The following CEP162 variants were observed in gnomAD, a reference collection of about 807,000 sequenced individuals.
CEP162 encodes centrosomal protein of 162 kDa.
In CEP162, 141 loss-of-function variants were observed where a neutral mutation model predicts 169.2. That is an observed-to-expected ratio of 0.83 (90% confidence interval 0.73 to 0.96). The LOEUF (loss-of-function observed/expected upper bound fraction) is 0.96, where lower values mean the gene tolerates loss of function less well. CEP162 is among the 40% of genes least tolerant of loss of function. CEP162 has a pLI of 0.00. For missense variants in CEP162, 1,600 were observed against 1,587.2 expected, an observed-to-expected ratio of 1.01 and a Z score of -0.14; for synonymous variants, 540 against 526.4, an observed-to-expected ratio of 1.03 and a Z score of -0.35.
At chr6:84,144,174 T>C (rs2099517860) in intron 25 of CEP162, among the ~76,000 whole-genome samples, 1 of 152,058 alleles carries the variant, frequency 6.6e-6, no homozygotes, top group Non-Finnish European at 1.5e-5. Flanking sequence ...CTTTCTCCTT[T>C]TACAAATAGA....
Position 84,205,485 on chromosome 6 carries a change from T to A in CEP162, c.572-1389A>T, listed in dbSNP as rs537576176. Among the ~76,000 whole-genome samples the A allele has an allele frequency of 3.8e-4, 58 of 152,314 alleles. 1 individual carries two copies. In the South Asian group the frequency reaches 0.011, roughly 29 times the overall value. On this transcript the variant is annotated intron_variant, in intron 6 of 26. Coordinates refer to ENST00000403245, the MANE Select transcript of CEP162 (RefSeq NM_014895.4). ...AACAAAAACCACATGATTATCTCAA[T>A]AGATTCAGAAAAGGCCTTTGACAAA...
intron 6 of CEP162, among the ~76,000 whole-genome samples, chr6:84,206,729 T>G (rs2099547279): frequency 6.6e-6 from 1 of 152,178 alleles, no homozygotes; most frequent in South Asian, 2.1e-4. Context: ...TGGGATCTAA[T>G]TAAACCAAAG....
chr6:84,170,270 A>G (rs2099529502), intron 17 of CEP162, among the ~76,000 whole-genome samples: 1 of 145,230 alleles, frequency 6.9e-6, no homozygotes, highest in South Asian at 2.3e-4. Context: ...GATACTCGGG[A>G]GGCTGAGGCA....
rs914293163 is a variant in CEP162 at position 84,168,854 on chromosome 6, A to G, written c.2385+474T>C. Among the ~76,000 whole-genome samples, 3 of 152,222 alleles carry G rather than the reference A, an allele frequency of 2.0e-5. No homozygotes were observed. The East Asian group carries it at 5.8e-4, about 29-fold the overall frequency. ...ACTTTATGTTAGGTATGTGGAATAT[A>G]AATACTTGTAAGATACAGTCTCTGC... On this transcript the variant is annotated intron_variant, in intron 18 of 26. Coordinates refer to ENST00000403245, the MANE Select transcript of CEP162 (RefSeq NM_014895.4).
chr6:84,155,234 C>A, intron 22 of CEP162, 64 bp downstream of exon 22: 1 of 1,242,026 alleles, frequency 8.1e-7, no homozygotes, highest in Non-Finnish European at 1.2e-6. Context: ...AAGTGAGATC[C>A]TAAGAAGTGC....
chr6:84,149,886 C>T (rs2099520461), intron 23 of CEP162, among the ~76,000 whole-genome samples, 183 bp from the exon 24 acceptor site: 1 of 152,112 alleles, frequency 6.6e-6, no homozygotes, highest in Non-Finnish European at 1.5e-5. Flanking sequence ...ATGACCAATC[C>T]ATGAGCTACT....
chr6:84,139,096 G>C (rs2099515385), intron 25 of CEP162, among the ~76,000 whole-genome samples: 1 of 152,160 alleles, frequency 6.6e-6, no homozygotes, highest in East Asian at 1.9e-4. Context: ...GAATGAAATG[G>C]ATCTTAGAAT....
chr6:84,124,971 A>G lies in CEP162; in HGVS notation c.*99T>C. 2 of 897,184 alleles carry G rather than the reference A, an allele frequency of 2.2e-6. No individual in the cohort carries two copies. Among genetic ancestry groups the G allele is most frequent in the Non-Finnish European group, 3.4e-6 (2 of 582,276 alleles). 55.6% of individuals were successfully genotyped at this position (897,184 alleles called of 1,614,324 possible). ...CTTTGGTTGTTTGCTTTCTGGAAAC[A>G]TATTGGAACACTTGTTTTTCATAAG... is the stretch of plus-strand genomic sequence containing the variant. On this transcript the variant is annotated 3_prime_UTR_variant, in exon 27 of 27. Transcript: ENST00000403245.
chr6:84,166,234 T>C (rs2099527773), intron 18 of CEP162, among the ~76,000 whole-genome samples: 1 of 152,186 alleles, frequency 6.6e-6, no homozygotes, highest in Non-Finnish European at 1.5e-5. Flanking sequence ...GCTACTCTTG[T>C]CTTTACCCAC....
intron 11 of CEP162, among the ~76,000 whole-genome samples, chr6:84,189,127 C>T (rs1029252959): frequency 2.0e-5 from 3 of 152,062 alleles, no homozygotes; most frequent in Non-Finnish European, 4.4e-5. Flanking sequence ...CCTCGGCTCA[C>T]TGAAACCTCT....
In CEP162 at chr6:84,194,946, G is replaced by C. The variant is rs1455423871; in HGVS notation, c.965C>G (p.Ser322Ter). The change falls in exon 10 of 27, where the codon TCA becomes TGA. Residue 322 changes from serine (S) to a stop codon, truncating the protein, a stop_gained. Transcript: ENST00000403245. LOFTEE classifies it high-confidence loss of function. ...ESNTVEDIKS[S>*]VKGHPQENEE... ...ATTTTCTTGAGGATGACCTTTCACT[G>C]AGCTCTTGATATCTTCCACTGTGTT... The C allele has an allele frequency of 1.9e-6, 3 of 1,613,266 alleles. No individual in the cohort carries two copies. Among genetic ancestry groups the C allele is most frequent in the Admixed American group, 3.3e-5 (2 of 59,950 alleles).
At chr6:84,127,484 GA>G (rs2099509417) in intron 25 of CEP162, among the ~76,000 whole-genome samples, 1 of 152,110 alleles carries the variant, frequency 6.6e-6, no homozygotes, top group African/African-American at 2.4e-5. Flanking sequence ...ATGGTTTGCA[GA>G]GAGCTCAGGG....
intron 6 of CEP162, among the ~76,000 whole-genome samples, chr6:84,204,526 C>T (rs2099545951): frequency 1.3e-5 from 2 of 152,206 alleles, no homozygotes; most frequent in Admixed American, 6.5e-5. Context: ...TTCTTTGAAA[C>T]CAATGAGAAC....
intron 6 of CEP162, among the ~76,000 whole-genome samples, chr6:84,211,879 A>G (rs544940050): frequency 6.6e-6 from 1 of 151,490 alleles, no homozygotes; most frequent in South Asian, 2.1e-4. Flanking sequence ...ACCATGATAC[A>G]CCATAGTCAA....
chr6:84,175,064 T>C (rs2129222281), intron 14 of CEP162, 110 bp from the exon 15 acceptor site: 3 of 912,038 alleles, frequency 3.3e-6, no homozygotes, highest in Non-Finnish European at 4.8e-6. Flanking sequence ...TGTTCTATTA[T>C]ATAAGAAAAT....
chr6:84,186,132 A>G (rs2099537038), intron 12 of CEP162, among the ~76,000 whole-genome samples, 200 bp downstream of exon 12: 1 of 152,156 alleles, frequency 6.6e-6, no homozygotes, highest in African/African-American at 2.4e-5. Flanking sequence ...AAGCAAGCTA[A>G]TGTTATGGTG....
intron 24 of CEP162, among the ~76,000 whole-genome samples, chr6:84,148,949 T>C (rs899970612): frequency 2.6e-5 from 4 of 152,184 alleles, no homozygotes; most frequent in Non-Finnish European, 5.9e-5. Flanking sequence ...GTAATGCTCA[T>C]AGATATTCTA....
intron 11 of CEP162, 108 bp downstream of exon 11, chr6:84,193,501 G>T: frequency 1.7e-6 from 1 of 575,304 alleles, no homozygotes; most frequent in Non-Finnish European, 3.0e-6. Flanking sequence ...ATGACTCACA[G>T]GTAGAGTCAA....
chr6:84,183,728 C>A (rs1249991485), intron 13 of CEP162, among the ~76,000 whole-genome samples: 14 of 152,078 alleles, frequency 9.2e-5, no homozygotes, highest in Non-Finnish European at 8.8e-5. Flanking sequence ...TCTTGGTAAA[C>A]CCAACTGTTT....
Sources: gnomAD v4.1 joint callset for allele counts (sites outside exome capture counted in the v4.1 genomes callset) on GRCh38, gnomAD v4.1.1 for gene constraint, MANE v1.5 for transcripts, NCBI Gene and HGNC (gene_info 2026-07-23, HGNC 2026-07-21) for gene names.